PROX2: variants seen among roughly 807,000 people sequenced by gnomAD.
PROX2 encodes prospero homeobox 2, also known as prospero homeobox protein 2.
In PROX2, 46 loss-of-function variants were observed where a neutral mutation model predicts 48.9. That is an observed-to-expected ratio of 0.94 (90% confidence interval 0.74 to 1.20). The LOEUF is 1.20. PROX2 is among the 50% of genes most tolerant of loss of function. The probability of loss-of-function intolerance (pLI) is 0.00; values close to 1 mark genes in which losing one functional copy is unlikely to be tolerated. For missense variants in PROX2, 663 were observed against 719.4 expected (o/e 0.92, Z 0.90); for synonymous variants, 260 against 276.6 (o/e 0.94, Z 0.60).
chr14:74,858,707 A>G, intron 3 of PROX2, 193 bp from the exon 4 acceptor site: 1 of 544,698 alleles, frequency 1.8e-6, no homozygotes, highest in Non-Finnish European at 3.3e-6. Context: ...GTTAAGTCAC[A>G]GAATGTAAAA....
chr14:74,859,728 ATCT>A (rs1192638420), intron 3 of PROX2, among the ~76,000 whole-genome samples: 5 of 152,222 alleles, frequency 3.3e-5, no homozygotes. Flanking sequence ...CATAGGATGA[ATCT>A]GTTTAACCAA....
chr14:74,863,934 G>T lies in PROX2; in HGVS notation c.-100C>A. ...GGGCTTCCTCCTCTGCACTTAGAAG[G>T]GTAAAGAGCCACTGTCACTGAGGAA... On this transcript the variant is annotated 5_prime_UTR_variant, in exon 3 of 6. Coordinates refer to ENST00000556489, the MANE Select transcript of PROX2 (RefSeq NM_001243007.2). The T allele has an allele frequency of 7.6e-7, 1 of 1,316,782 alleles. No individual in the cohort carries two copies. The highest frequency in any genetic ancestry group is 9.7e-7 in the Non-Finnish European group (1 of 1,032,806). 81.6% of individuals were successfully genotyped at this position (1,316,782 alleles called of 1,614,324 possible).
chr14:74,875,071 G>A (rs1013055398), intron 1 of PROX2, among the ~76,000 whole-genome samples: 11 of 152,176 alleles, frequency 7.2e-5, no homozygotes, highest in African/African-American at 1.2e-4. Flanking sequence ...GCTTGAACCC[G>A]GGAGGTGGAG....
At position 74,863,694 on chromosome 14, in the gene PROX2, G is replaced by A. The variant is rs1422569204; in HGVS notation, c.141C>T (p.Ser47=). 3 of 1,538,228 alleles carry A rather than the reference G, an allele frequency of 2.0e-6. No individual in the cohort carries two copies. Among genetic ancestry groups the A allele is most frequent in the South Asian group, 2.6e-5 (2 of 77,232 alleles). ...ACCATTCGGGGTCTGTAGGGCTGGA[G>A]CTGGGGACCTGACTCCAGGGAAACG... ...DSPFPWSQVP[S]SSPTDPEWFG... The change falls in exon 3 of 6, where the codon AGC becomes AGT. Residue 47 remains serine (S), a synonymous_variant. Coordinates refer to ENST00000556489, the MANE Select transcript of PROX2 (RefSeq NM_001243007.2).
intron 2 of PROX2, among the ~76,000 whole-genome samples, 187 bp downstream of exon 2, chr14:74,870,916 T>A (rs1047910041): frequency 6.6e-6 from 1 of 151,996 alleles, no homozygotes; most frequent in African/African-American, 2.4e-5. Flanking sequence ...GTGGCATGCA[T>A]CTGTAATCCC....
chr14:74,863,405 T>G lies in PROX2; in HGVS notation c.430A>C (p.Arg144=). ...EQLHLLKQQL[R]HLQEHILQAA... ...TGTAGGATGTGCTCTTGCAGATGTC[T>G]TAGCTGTTGCTTCAGCAGATGAAGT... Residue 144 remains arginine (R), a synonymous_variant, in exon 3 of 6, where the codon AGA becomes CGA. Transcript: ENST00000556489. The G allele has an allele frequency of 6.2e-7, 1 of 1,613,640 alleles. No individual in the cohort carries two copies. Among genetic ancestry groups the G allele is most frequent in the South Asian group, 1.1e-5 (1 of 91,032 alleles).
In PROX2 at chr14:74,863,349, C is replaced by T; in HGVS notation, c.486G>A (p.Gly162=). 6.2e-7 allele frequency: 1 copy of T among 1,614,068 alleles called. No individual in the cohort carries two copies. The highest frequency in any genetic ancestry group is 1.1e-5 in the South Asian group (1 of 91,084). ...CTTTCCCCGTGCCACAGCCTCCTGG[C>T]CCCTGAGCTGTGTCCCTGGGCTTGG... ...QAAKPRDTAQ[G]PGGCGTGKGP... Residue 162 remains glycine (G), a synonymous_variant, in exon 3 of 6, where the codon GGG becomes GGA. Coordinates refer to ENST00000556489, the MANE Select transcript of PROX2 (RefSeq NM_001243007.2).
In PROX2 at chr14:74,862,664, C is replaced by T. The variant is rs368629680; in HGVS notation, c.1171G>A (p.Val391Ile). 8.9e-5 allele frequency: 144 copies of T among 1,613,852 alleles called. No homozygotes were observed. The highest frequency in any genetic ancestry group is 1.1e-4 in the Non-Finnish European group (135 of 1,179,902). The part of the protein sequence containing the change: ...PWRTTKPQPL[V>I]LSQQQCPLPF... ...AAGGGACACTGCTGCTGGCTCAGGACCAATGGTTGCGGCTTAGTAGTTCTC... is the reference window on the plus strand; with the variant it reads ...AAGGGACACTGCTGCTGGCTCAGGATCAATGGTTGCGGCTTAGTAGTTCTC... The change falls in exon 3 of 6, where the codon GTC (valine) becomes ATC (isoleucine). Residue 391 changes from valine to isoleucine, a missense_variant. Transcript: ENST00000556489.
chr14:74,855,198 A>G lies in PROX2; in HGVS notation c.1713T>C (p.Tyr571=). The G allele has an allele frequency of 1.3e-6, 2 of 1,594,358 alleles. No individual in the cohort carries two copies. Among genetic ancestry groups the G allele is most frequent in the South Asian group, 1.1e-5 (1 of 87,406 alleles). ...CACTGTCCAGTTTCGAAATAATTTT[A>G]TAAATGGGTTTCTTCCAGGAAGGAT... is the stretch of plus-strand genomic sequence containing the variant. ...DSDPSWKKPI[Y]KIISKLDSDI... is the part of the protein sequence containing the mutation. The change falls in exon 6 of 6, where the codon TAT becomes TAC. Residue 571 remains tyrosine, a synonymous_variant. Transcript: ENST00000556489.
Position 74,855,182 on chromosome 14 carries a change from G to T in PROX2, c.1729C>A (p.Leu577Met). The stretch of plus-strand genomic sequence containing the variant: ...AATATCTCTGGGATGTCACTGTCCA[G>T]TTTCGAAATAATTTTATAAATGGGT... ...KKPIYKIISKLDSDIPEIFKS... is the reference protein window; with the variant it reads ...KKPIYKIISKMDSDIPEIFKS... The change falls in exon 6 of 6, where the codon CTG (leucine) becomes ATG (methionine). Residue 577 changes from leucine to methionine, a missense_variant. Leu to Met is a conservative substitution (Grantham distance 15, BLOSUM62 2). Coordinates refer to ENST00000556489, the MANE Select transcript of PROX2 (RefSeq NM_001243007.2). The T allele has an allele frequency of 6.3e-7, 1 of 1,595,636 alleles. No individual in the cohort carries two copies. Among genetic ancestry groups the T allele is most frequent in the Non-Finnish European group, 8.6e-7 (1 of 1,168,194 alleles).
In PROX2 at chr14:74,863,504, G is replaced by A. The variant is rs759839583; in HGVS notation, c.331C>T (p.Pro111Ser). Residue 111 changes from proline to serine, a missense_variant, in exon 3 of 6, where the codon CCG (proline) becomes TCG (serine). Transcript: ENST00000556489. ...ERKRKQNLPT[P>S]QGLLMPAPAW... ...GGGGCTGGCATCAGGAGGCCTTGCG[G>A]TGTGGGAAGGTTCTGCTTCCTCTTC... 6.2e-7 allele frequency: 1 copy of A among 1,613,598 alleles called. No individual in the cohort carries two copies. The highest frequency in any genetic ancestry group is 2.2e-5 in the East Asian group (1 of 44,874).
chr14:74,863,462 T>G lies in PROX2; in HGVS notation c.373A>C (p.Asn125His). Residue 125 changes from asparagine to histidine, a missense_variant, in exon 3 of 6, where the codon AAC (asparagine) becomes CAC (histidine). Physicochemically the swap from Asn to His is moderately conservative, Grantham distance 68. Coordinates refer to ENST00000556489, the MANE Select transcript of PROX2 (RefSeq NM_001243007.2). ...LMPAPAWDQG[N>H]RKGGPRVREQ... ...CTCACACGAGGGCCCCCCTTCCTGT[T>G]GCCCTGGTCCCAGGCAGGGGCTGGC... is the stretch of plus-strand genomic sequence containing the variant. 2 of 1,613,652 alleles carry G rather than the reference T, an allele frequency of 1.2e-6. No individual in the cohort carries two copies. The highest frequency in any genetic ancestry group is 1.7e-6 in the Non-Finnish European group (2 of 1,179,682).
intron 3 of PROX2, among the ~76,000 whole-genome samples, chr14:74,860,304 G>A (rs147004015): frequency 2.0e-5 from 3 of 152,200 alleles, no homozygotes; most frequent in Non-Finnish European, 2.9e-5. Context: ...GCAGCAGAAC[G>A]TATGACTATA....
intron 1 of PROX2, chr14:74,874,152 A>G: frequency 1.9e-6 from 1 of 514,052 alleles, no homozygotes; most frequent in South Asian, 1.4e-5. Flanking sequence ...TATTCTTTAC[A>G]CAAATCCTCA....
At position 74,857,000 on chromosome 14, in the gene PROX2, A is replaced by G; in HGVS notation, c.1414-5T>C. On this transcript the variant is annotated splice_polypyrimidine_tract_variant and splice_region_variant and intron_variant, in intron 4 of 5. Transcript: ENST00000556489. Reference sequence around the variant, plus strand: ...GGAGGTAATGCAGCGGTTGAACTGTACAAACAAGAGGTCCATCCAGTCAGA... The same window carrying G: ...GGAGGTAATGCAGCGGTTGAACTGTGCAAACAAGAGGTCCATCCAGTCAGA... 1 of 1,613,326 alleles carries G rather than the reference A, an allele frequency of 6.2e-7. No homozygotes were observed. Among genetic ancestry groups the G allele is most frequent in the Non-Finnish European group, 8.5e-7 (1 of 1,179,336 alleles).
In PROX2 at chr14:74,863,726, C is replaced by T. The variant is rs2091820662; in HGVS notation, c.109G>A (p.Asp37Asn). ...RSSSPPELDR[D>N]SPFPWSQVPS... ...ACCTGACTCCAGGGAAACGGGGAGT[C>T]TCTATCCAGCTCTGGAGGGGATGAG... is the stretch of plus-strand genomic sequence containing the variant. Residue 37 changes from aspartate to asparagine, a missense_variant, in exon 3 of 6, where the codon GAC becomes AAC. Transcript: ENST00000556489. 6.5e-7 allele frequency: 1 copy of T among 1,530,956 alleles called. No individual in the cohort carries two copies. Among genetic ancestry groups the T allele is most frequent in the African/African-American group, 1.4e-5 (1 of 72,138 alleles). 94.8% of individuals were successfully genotyped at this position (1,530,956 alleles called of 1,614,324 possible).
In PROX2 at chr14:74,861,338, T is replaced by G. The variant is rs560038167; in HGVS notation, c.1305+1192A>C. 385 of 708,458 alleles carry G rather than the reference T, an allele frequency of 5.4e-4. 7 individuals carry two copies. The highest frequency in any genetic ancestry group is 5.3e-3 in the South Asian group (380 of 71,574). The allele number at this position is 708,458 out of a possible 1,614,324, so 43.9% of individuals were successfully genotyped here. On this transcript the variant is annotated intron_variant, in intron 3 of 5. Coordinates refer to ENST00000556489, the MANE Select transcript of PROX2 (RefSeq NM_001243007.2). ...CAAAATATATTCTCAAGAACTTAAG[T>G]TCTGCAAGATGCTTGTTAGAAGTGG...
intron 1 of PROX2, among the ~76,000 whole-genome samples, chr14:74,874,488 T>TA: frequency 6.6e-6 from 1 of 151,712 alleles, no homozygotes; most frequent in Non-Finnish European, 1.5e-5. Context: ...CCTGACCTCG[T>TA]AATCCACCCA....
rs186374388 is a variant in PROX2 at position 74,860,404 on chromosome 14, G to T, written c.1306-1890C>A. On this transcript the variant is annotated intron_variant, in intron 3 of 5. Coordinates refer to ENST00000556489, the MANE Select transcript of PROX2 (RefSeq NM_001243007.2). The stretch of plus-strand genomic sequence containing the variant: ...AAAAGATTGCATCATTCTTAGGGGG[G>T]GAAAATCATAGGGCCTGTCAAAGCT... Among the ~76,000 whole-genome samples, 543 of 152,124 alleles carry T rather than the reference G, an allele frequency of 3.6e-3. 2 individuals carry two copies. Among genetic ancestry groups the T allele is most frequent in the African/African-American group, 0.012 (509 of 41,514 alleles).
Sources: allele counts gnomAD v4.1 joint callset (sites outside exome capture counted in the v4.1 genomes callset), GRCh38; gene constraint gnomAD v4.1.1; transcripts MANE v1.5; gene names NCBI Gene and HGNC (gene_info 2026-07-23, HGNC 2026-07-21).